Variants in PRKN observed in about 807,000 individuals in gnomAD.
PRKN encodes E3 ubiquitin-protein ligase parkin.
Under a neutral mutation model 59.5 loss-of-function variants are expected in PRKN, and 56 were observed. That is an observed-to-expected ratio of 0.94 (90% CI 0.76 to 1.18). The LOEUF is 1.18. Ranked by LOEUF, PRKN falls within the 50% of genes most tolerant of loss-of-function variation. PRKN has a pLI of 0.00. For synonymous variants in PRKN, 250 were observed against 222.1 expected (o/e 1.13, Z -1.12); for missense variants, 657 against 596.4 (o/e 1.10, Z -1.06).
intron 6 of PRKN, among the ~76,000 whole-genome samples, chr6:161,939,730 C>T (rs1384983992): frequency 6.6e-6 from 1 of 151,072 alleles, no homozygotes; most frequent in African/African-American, 2.4e-5. Flanking sequence ...AAAACCTCAT[C>T]TCAGAAAAAA....
chr6:162,410,176 C>A (rs1169428909), intron 2 of PRKN, among the ~76,000 whole-genome samples: 1 of 151,446 alleles, frequency 6.6e-6, no homozygotes. Context: ...TTTTCTGCTC[C>A]TGCTGAGAGA....
intron 7 of PRKN, among the ~76,000 whole-genome samples, chr6:161,764,652 T>G (rs1789348567): frequency 6.6e-6 from 1 of 151,502 alleles, no homozygotes; most frequent in African/African-American, 2.5e-5. Context: ...AACAGGAAAC[T>G]TATTAGGGTG....
At chr6:162,496,347 TG>T (rs1793064665) in intron 1 of PRKN, among the ~76,000 whole-genome samples, 1 of 152,352 alleles carries the variant, frequency 6.6e-6, no homozygotes, top group East Asian at 1.9e-4. Flanking sequence ...CTACATTCTT[TG>T]TAATGGATTT....
intron 1 of PRKN, among the ~76,000 whole-genome samples, chr6:162,498,448 T>TG (rs1227210132): frequency 8.7e-6 from 1 of 115,576 alleles, no homozygotes; most frequent in Admixed American, 8.9e-5. Context: ...TCTTTTTTTT[T>TG]TTTTTTTTTT....
chr6:161,801,823 G>A (rs902247262), intron 6 of PRKN, among the ~76,000 whole-genome samples: 2 of 152,152 alleles, frequency 1.3e-5, no homozygotes, highest in Admixed American at 1.3e-4. Flanking sequence ...CAGGTTTCGG[G>A]TGAACAATGG....
intron 7 of PRKN, among the ~76,000 whole-genome samples, chr6:161,667,403 CT>C (rs1784761842): frequency 6.6e-6 from 1 of 152,190 alleles, no homozygotes; most frequent in Non-Finnish European, 1.5e-5. Flanking sequence ...ATCCTGCAAG[CT>C]TCGCATGGCC....
At chr6:161,861,744 T>A (rs1307706514) in intron 6 of PRKN, among the ~76,000 whole-genome samples, 1 of 151,980 alleles carries the variant, frequency 6.6e-6, no homozygotes, top group East Asian at 1.9e-4. Context: ...TCCATTCAAC[T>A]AAGATATAAA....
chr6:162,061,893 G>A (rs940117318), intron 4 of PRKN, among the ~76,000 whole-genome samples: 4 of 152,142 alleles, frequency 2.6e-5, no homozygotes, highest in Non-Finnish European at 5.9e-5. Flanking sequence ...ATTAAAATGA[G>A]TAAGATTTTT....
At chr6:161,633,710 C>T (rs1482805335) in intron 7 of PRKN, among the ~76,000 whole-genome samples, 1 of 152,138 alleles carries the variant, frequency 6.6e-6, no homozygotes. Flanking sequence ...CTTGCCACTT[C>T]AGAGTTGTTT....
At chr6:161,749,559 C>T (rs893144563) in intron 7 of PRKN, among the ~76,000 whole-genome samples, 1 of 151,986 alleles carries the variant, frequency 6.6e-6, no homozygotes, top group African/African-American at 2.4e-5. Context: ...TTATCAAGGG[C>T]CCTGGGTTTT....
intron 9 of PRKN, among the ~76,000 whole-genome samples, chr6:161,506,475 G>A (rs959315676): frequency 2.0e-5 from 3 of 152,214 alleles, no homozygotes; most frequent in African/African-American, 7.2e-5. Flanking sequence ...TCTGCAAACA[G>A]TGACAATTTG....
At chr6:162,170,900 T>C (rs1353510086) in intron 4 of PRKN, among the ~76,000 whole-genome samples, 2 of 150,876 alleles carry the variant, frequency 1.3e-5, no homozygotes, top group East Asian at 3.9e-4. Flanking sequence ...TTCAATAAAT[T>C]TAATAAGAAA....
intron 5 of PRKN, among the ~76,000 whole-genome samples, chr6:162,044,115 A>G (rs142874315): frequency 6.6e-6 from 1 of 152,330 alleles, no homozygotes; most frequent in East Asian, 1.9e-4. Context: ...AAAAAATTGT[A>G]CAAAATAATC....
intron 1 of PRKN, among the ~76,000 whole-genome samples, chr6:162,665,706 A>C (rs777961129): frequency 6.6e-6 from 1 of 152,228 alleles, no homozygotes; most frequent in Non-Finnish European, 1.5e-5. Flanking sequence ...GAATCAAAGA[A>C]GACCCTGTAT....
At chr6:161,601,784 G>T (rs989440697) in intron 7 of PRKN, among the ~76,000 whole-genome samples, 1 of 151,920 alleles carries the variant, frequency 6.6e-6, no homozygotes, top group Non-Finnish European at 1.5e-5. Flanking sequence ...GGGTTTCACC[G>T]TGTTAGCCAG....
intron 4 of PRKN, among the ~76,000 whole-genome samples, chr6:162,062,252 G>A (rs1330574286): frequency 6.6e-6 from 1 of 152,170 alleles, no homozygotes; most frequent in African/African-American, 2.4e-5. Flanking sequence ...GCAGTGTCCT[G>A]TTACCTATAA....
intron 2 of PRKN, among the ~76,000 whole-genome samples, chr6:162,420,760 TACTC>T (rs1788919767): frequency 6.6e-6 from 1 of 152,172 alleles, no homozygotes; most frequent in African/African-American, 2.4e-5. Context: ...GCAAAATTAT[TACTC>T]ACTAAGAGAT....
chr6:162,116,249 G>A (rs1009692103), intron 4 of PRKN, among the ~76,000 whole-genome samples: 4 of 152,130 alleles, frequency 2.6e-5, no homozygotes, highest in African/African-American at 9.7e-5. Flanking sequence ...GCCACATAAG[G>A]ATCTTGTACA....
At chr6:161,733,959 T>TACACACAC (rs10597403) in intron 7 of PRKN, among the ~76,000 whole-genome samples, 1 of 133,594 alleles carries the variant, frequency 7.5e-6, no homozygotes, top group Non-Finnish European at 1.6e-5. Flanking sequence ...AAAATTCATT[T>TACACACAC]ACACACACAC....
Sources: allele counts gnomAD v4.1 joint callset (sites outside exome capture counted in the v4.1 genomes callset), GRCh38; gene constraint gnomAD v4.1.1; transcripts MANE v1.5; gene names NCBI Gene and HGNC (gene_info 2026-07-23, HGNC 2026-07-21).